Variants in TRIO observed in about 807,000 individuals in gnomAD.
TRIO encodes triple functional domain protein.
TRIO carries 58 observed loss-of-function variants against 351.9 expected under a neutral mutation model. The ratio of observed to expected loss-of-function variants is 0.16; its 90% CI spans 0.13 to 0.21. The LOEUF is 0.21. Ranked by LOEUF, TRIO falls within the 10% of genes least tolerant of loss-of-function variation. The pLI is 1.00. For synonymous variants in TRIO, 1,758 were observed against 1,595.7 expected, an observed-to-expected ratio of 1.10 and a Z score of -2.42; for missense variants, 3,201 against 4,027.8, an observed-to-expected ratio of 0.79 and a Z score of 5.56.
At chr5:14,343,042 T>C (rs1188703135) in intron 11 of TRIO, among the ~76,000 whole-genome samples, 4 of 151,836 alleles carry the variant, frequency 2.6e-5, no homozygotes, top group Non-Finnish European at 5.9e-5. Context: ...CCCTAGCTTT[T>C]CTTTTTACTT....
chr5:14,157,081 G>T (rs1020380635), intron 1 of TRIO, among the ~76,000 whole-genome samples: 8 of 152,088 alleles, frequency 5.3e-5, no homozygotes, highest in Admixed American at 6.5e-5. Flanking sequence ...TGTAGAGGAG[G>T]ATGGGTCGAG....
At chr5:14,144,062 G>A (rs1787338946) in intron 1 of TRIO, among the ~76,000 whole-genome samples, 180 bp downstream of exon 1, 1 of 151,754 alleles carries the variant, frequency 6.6e-6, no homozygotes, top group Admixed American at 6.6e-5. Context: ...CCCCACATCC[G>A]CGTGTCCCGC....
At chr5:14,293,163 G>C (rs774634724) in intron 6 of TRIO, 29 bp downstream of exon 6, 2 of 1,613,478 alleles carry the variant, frequency 1.2e-6, no homozygotes, top group Non-Finnish European at 1.7e-6. Context: ...CTGGACCCTG[G>C]CATGTGACAG....
intron 33 of TRIO, among the ~76,000 whole-genome samples, chr5:14,411,005 A>G (rs1749152397): frequency 6.6e-6 from 1 of 152,212 alleles, no homozygotes; most frequent in East Asian, 1.9e-4. Flanking sequence ...TTTGGATTCC[A>G]AAGAAATCAA....
At position 14,280,344 on chromosome 5, in the gene TRIO, T is replaced by G; in HGVS notation, c.255T>G (p.Gly85=). 1 of 1,613,986 alleles carries G rather than the reference T, an allele frequency of 6.2e-7. No homozygotes were observed. Among genetic ancestry groups the G allele is most frequent in the East Asian group, 2.2e-5 (1 of 44,874 alleles). The part of the protein sequence containing the change: ...YLSGGRDKRG[G]PILTFPARSN... ...TAGGTGGGAGAGATAAACGTGGAGG[T>G]CCCATTTTAACGTTTCCGGCCCGCA... is the stretch of plus-strand genomic sequence containing the variant. Residue 85 remains glycine, a synonymous_variant, in exon 3 of 57, where the codon GGT becomes GGG. Transcript: ENST00000344204.
chr5:14,230,421 A>G (rs1184422668), intron 1 of TRIO, among the ~76,000 whole-genome samples: 1 of 151,486 alleles, frequency 6.6e-6, no homozygotes, highest in Non-Finnish European at 1.5e-5. Flanking sequence ...GTCCCCCATC[A>G]TTGTGACAAC....
At chr5:14,472,753 T>G in intron 39 of TRIO, 95 bp downstream of exon 39, 1 of 1,333,110 alleles carries the variant, frequency 7.5e-7, no homozygotes, top group Non-Finnish European at 1.0e-6. Flanking sequence ...TCAAAAGCTT[T>G]AAAAACATTT....
chr5:14,274,387 T>C (rs937259440), intron 2 of TRIO, among the ~76,000 whole-genome samples: 3 of 152,212 alleles, frequency 2.0e-5, no homozygotes, highest in Non-Finnish European at 4.4e-5. Flanking sequence ...GACCAAGCTT[T>C]GATCTGGCAG....
At chr5:14,473,195 C>G (rs116650288) in intron 39 of TRIO, among the ~76,000 whole-genome samples, 1,648 of 152,296 alleles carry the variant, frequency 0.011, 25 homozygotes, top group African/African-American at 0.037. Flanking sequence ...AAACCACTGC[C>G]TTTTGTACTG....
intron 27 of TRIO, among the ~76,000 whole-genome samples, chr5:14,393,817 C>T (rs1013633852): frequency 1.3e-5 from 2 of 152,178 alleles, no homozygotes; most frequent in Admixed American, 1.3e-4. Flanking sequence ...AAGGTAGATC[C>T]TCCTGCTCCA....
chr5:14,430,080 T>A (rs1162303581), intron 34 of TRIO, among the ~76,000 whole-genome samples: 1 of 152,140 alleles, frequency 6.6e-6, no homozygotes, highest in Non-Finnish European at 1.5e-5. Flanking sequence ...TTGGTCCATG[T>A]GCAGGTGTGT....
intron 9 of TRIO, among the ~76,000 whole-genome samples, chr5:14,328,158 G>T (rs762134957): frequency 1.3e-5 from 2 of 151,958 alleles, no homozygotes; most frequent in Non-Finnish European, 2.9e-5. Flanking sequence ...CGCCCAATAC[G>T]CTAGTTAAAA....
intron 43 of TRIO, among the ~76,000 whole-genome samples, chr5:14,480,261 G>A (rs976618356): frequency 2.0e-5 from 3 of 152,146 alleles, no homozygotes; most frequent in African/African-American, 4.8e-5. Flanking sequence ...GGATTTGGTA[G>A]GACGGGAATC....
chr5:14,258,529 A>G (rs1795155342), intron 1 of TRIO, among the ~76,000 whole-genome samples: 1 of 152,192 alleles, frequency 6.6e-6, no homozygotes, highest in Non-Finnish European at 1.5e-5. Flanking sequence ...AGGAGACTGG[A>G]AAAAGGAAAA....
At chr5:14,257,176 G>T (rs1795070192) in intron 1 of TRIO, among the ~76,000 whole-genome samples, 1 of 152,248 alleles carries the variant, frequency 6.6e-6, no homozygotes, top group Non-Finnish European at 1.5e-5. Flanking sequence ...CTGTCCAGTC[G>T]CGGCTTTCCG....
chr5:14,430,304 G>C (rs904653178), intron 34 of TRIO, among the ~76,000 whole-genome samples: 8 of 150,620 alleles, frequency 5.3e-5, no homozygotes, highest in East Asian at 1.9e-4. Flanking sequence ...TGTGTGACCT[G>C]TCTGGGAGGT....
chr5:14,358,697 T>C (rs1391899365), intron 12 of TRIO, among the ~76,000 whole-genome samples: 5 of 152,244 alleles, frequency 3.3e-5, no homozygotes, highest in African/African-American at 9.6e-5. Flanking sequence ...GCCCTCAGGC[T>C]GATCTAGAGC....
intron 13 of TRIO, among the ~76,000 whole-genome samples, chr5:14,362,397 G>T (rs140716267): frequency 6.6e-6 from 1 of 152,138 alleles, no homozygotes; most frequent in Non-Finnish European, 1.5e-5. Context: ...CAGCGTGTTC[G>T]GATTGATGTG....
chr5:14,492,366 G>GA, intron 48 of TRIO: 1 of 687,948 alleles, frequency 1.5e-6, no homozygotes, highest in Non-Finnish European at 2.4e-6. Context: ...GCTTTCTAGA[G>GA]AAATTACATT....
Sources: allele counts gnomAD v4.1 joint callset (sites outside exome capture counted in the v4.1 genomes callset), GRCh38; gene constraint gnomAD v4.1.1; transcripts MANE v1.5; gene names NCBI Gene and HGNC (gene_info 2026-07-23, HGNC 2026-07-21).